The following RUNX1 variants were observed in gnomAD, a reference collection of about 807,000 sequenced individuals.
The protein encoded by RUNX1 is RUNX family transcription factor 1.
RUNX1 carries 19 observed loss-of-function variants against 42.8 expected under a neutral mutation model. The observed-to-expected ratio is 0.44, with a 90% CI of 0.31 to 0.65. The LOEUF (loss-of-function observed/expected upper bound fraction) is 0.65, where lower values mean the gene tolerates loss of function less well. Among genes scored for constraint, RUNX1 ranks in the 30% least tolerant of loss-of-function variants. RUNX1 has a pLI of 0.07. For missense variants in RUNX1, 528 were observed against 672.0 expected (o/e 0.79, Z 2.37); for synonymous variants, 271 against 289.4 (o/e 0.94, Z 0.64).
At chr21:34,958,691 C>T (rs1365765508) in intron 2 of RUNX1, among the ~76,000 whole-genome samples, 1 of 152,162 alleles carries the variant, frequency 6.6e-6, no homozygotes, top group African/African-American at 2.4e-5. Flanking sequence ...CCAGCCATCC[C>T]TTTACTGGGT....
chr21:35,033,960 C>T (rs1370807406), intron 2 of RUNX1, among the ~76,000 whole-genome samples: 1 of 152,128 alleles, frequency 6.6e-6, no homozygotes, highest in Admixed American at 6.5e-5. Flanking sequence ...AATCATTATC[C>T]TACTTCCTAT....
chr21:34,802,345 GGA>G (rs1214516309), intron 7 of RUNX1, among the ~76,000 whole-genome samples: 2 of 152,208 alleles, frequency 1.3e-5, no homozygotes, highest in Non-Finnish European at 2.9e-5. Flanking sequence ...TTACCTGGCA[GGA>G]GAGTGATGAA....
intron 2 of RUNX1, among the ~76,000 whole-genome samples, chr21:34,904,045 GGGTAATACATTGAAAT>G (rs2058198348): frequency 2.0e-5 from 3 of 152,012 alleles, no homozygotes; most frequent in Non-Finnish European, 4.4e-5. Context: ...ACCTTTTTAT[GGGTAATACATTGAAAT>G]GGAATAGTAA....
chr21:34,920,358 A>T (rs1487084599), intron 2 of RUNX1, among the ~76,000 whole-genome samples: 1 of 152,164 alleles, frequency 6.6e-6, no homozygotes, highest in African/African-American at 2.4e-5. Context: ...ATTTCTGCAC[A>T]ATGAGGTGAA....
At position 34,901,596 on chromosome 21, in the gene RUNX1, C is replaced by T. The variant is rs182662610; in HGVS notation, c.59-8633G>A. Among the ~76,000 whole-genome samples, 184 of 152,250 alleles carry T rather than the reference C, an allele frequency of 1.2e-3. No homozygotes were observed. The highest frequency in any genetic ancestry group is 7.7e-3 in the South Asian group (37 of 4,828). Reference sequence around the variant, plus strand: ...TTGAAGACAGAGGTTAAGGGGCCAACGTGTGGACCCTGGAAAGGGTGTGAG... The same window carrying T: ...TTGAAGACAGAGGTTAAGGGGCCAATGTGTGGACCCTGGAAAGGGTGTGAG... On this transcript the variant is annotated intron_variant, in intron 2 of 8. Transcript: ENST00000675419. The surrounding 1 kb of genome is among the most constrained non-coding windows in gnomAD (Gnocchi z 4.3).
Position 34,999,135 on chromosome 21 carries a change from T to A in RUNX1, c.58+49707A>T, listed in dbSNP as rs2059020980. On this transcript the variant is annotated intron_variant, in intron 2 of 8. Transcript: ENST00000675419. ...GGGCAGCACACACAACTGGGCAGAG[T>A]GGCCCTTTATCTCATGCCAGCTGGA... 2.6e-5 allele frequency among the ~76,000 whole-genome samples: 4 copies of A among 152,046 alleles called. 1 individual carries two copies. The South Asian group carries it at 8.3e-4, about 31-fold the overall frequency.
At chr21:35,016,792 C>T (rs962533752) in intron 2 of RUNX1, among the ~76,000 whole-genome samples, 4 of 152,044 alleles carry the variant, frequency 2.6e-5, no homozygotes, top group African/African-American at 9.7e-5. Context: ...GTTTCATGTC[C>T]TTCCCATCCA....
Position 34,792,564 on chromosome 21 carries a change from C to T in RUNX1, c.1014G>A (p.Ala338=), listed in dbSNP as rs2056460323. ...TAFSDPRQFP[A]LPSISDPRMH... is the part of the protein sequence containing the mutation. Reference sequence around the variant, plus strand: ...TGCGGGGGTCGGAGATGGAGGGCAGCGCGGGGAACTGGCGCGGGTCGCTGA... The same window carrying T: ...TGCGGGGGTCGGAGATGGAGGGCAGTGCGGGGAACTGGCGCGGGTCGCTGA... Residue 338 remains alanine, a synonymous_variant, in exon 9 of 9, where the codon GCG becomes GCA. Transcript: ENST00000675419. This position sits in a 1 kb window ranked among gnomAD's most constrained non-coding sequence, Gnocchi z 6.9. The T allele has an allele frequency of 5.0e-6, 8 of 1,606,108 alleles. No homozygotes were observed. Among genetic ancestry groups the T allele is most frequent in the African/African-American group, 1.3e-5 (1 of 74,758 alleles).
chr21:34,909,808 GT>G (rs1238642325), intron 2 of RUNX1, among the ~76,000 whole-genome samples: 1 of 152,016 alleles, frequency 6.6e-6, no homozygotes, highest in Non-Finnish European at 1.5e-5. Context: ...AGGGTTCTGG[GT>G]CCTTTCATCA....
intron 2 of RUNX1, among the ~76,000 whole-genome samples, chr21:34,964,092 G>A (rs967582082): frequency 2.0e-5 from 3 of 152,162 alleles, no homozygotes; most frequent in Non-Finnish European, 4.4e-5. Flanking sequence ...CCCAGTTGGG[G>A]GATACGTGCT....
intron 7 of RUNX1, among the ~76,000 whole-genome samples, chr21:34,803,080 A>G (rs1357684250): frequency 1.3e-5 from 2 of 152,116 alleles, no homozygotes; most frequent in African/African-American, 4.8e-5. Flanking sequence ...GGCTCAAGTA[A>G]TAGTGTTTTG....
At position 34,888,052 on chromosome 21, in the gene RUNX1, G is replaced by T. The variant is rs541575043; in HGVS notation, c.98-956C>A. On this transcript the variant is annotated intron_variant, in intron 3 of 8. Transcript: ENST00000675419. The stretch of plus-strand genomic sequence containing the variant: ...TGGTTAAGTTTGTGGCTGGTCCTCT[G>T]GTTTGTTGGGAGTTGAGCAGCCGCA... The T allele has an allele frequency of 1.2e-3, 1,285 of 1,066,320 alleles. 2 individuals carry two copies. The Middle Eastern group carries it at 0.015, about 12-fold the overall frequency. The allele number at this position is 1,066,320 out of a possible 1,614,324, so 66.1% of individuals were successfully genotyped here. A position where few individuals can be genotyped will look rare whatever the true frequency, so the allele number is the denominator to read the frequency against.
At chr21:34,982,397 G>GGTGTGTGTGTGTGTGTGTGTGTGT (rs56091299) in intron 2 of RUNX1, among the ~76,000 whole-genome samples, 1 of 148,218 alleles carries the variant, frequency 6.7e-6, no homozygotes, top group African/African-American at 2.5e-5. Flanking sequence ...AGTCAAAAGG[G>GGTGTGTGTGTGTGTGTGTGTGTGT]GTGTGTGTGT....
intron 2 of RUNX1, among the ~76,000 whole-genome samples, chr21:34,946,009 T>C (rs575649389): frequency 6.6e-6 from 1 of 152,340 alleles, no homozygotes; most frequent in East Asian, 1.9e-4. Flanking sequence ...TGCGTTCTCC[T>C]GTTCTCCTAG....
chr21:34,867,286 ATAAAT>A (rs1255837473), intron 5 of RUNX1, among the ~76,000 whole-genome samples: 3 of 152,002 alleles, frequency 2.0e-5, no homozygotes, highest in Non-Finnish European at 4.4e-5. Context: ...ATAAAATAAA[ATAAAT>A]TAGCTGGGCA....
At chr21:34,886,566 C>A (rs2057990798) in intron 4 of RUNX1, among the ~76,000 whole-genome samples, 1 of 152,232 alleles carries the variant, frequency 6.6e-6, no homozygotes, top group African/African-American at 2.4e-5. Context: ...AGGCCCCTGC[C>A]AGGGAGGTCC....
intron 2 of RUNX1, among the ~76,000 whole-genome samples, chr21:34,903,372 A>G (rs2058192723): frequency 6.6e-6 from 1 of 152,166 alleles, no homozygotes; most frequent in Admixed American, 6.5e-5. Context: ...AAGCTTCATT[A>G]TTATTATTAC....
chr21:34,840,520 T>TA (rs765673604), intron 6 of RUNX1, among the ~76,000 whole-genome samples: 1 of 152,222 alleles, frequency 6.6e-6, no homozygotes, highest in Non-Finnish European at 1.5e-5. Flanking sequence ...TCTGCTGCCA[T>TA]TATCTACTCA....
chr21:34,848,520 T>C (rs1183306362), intron 6 of RUNX1, among the ~76,000 whole-genome samples: 1 of 152,196 alleles, frequency 6.6e-6, no homozygotes, highest in East Asian at 1.9e-4. Flanking sequence ...CAGCAACCTC[T>C]GCCTCTCGAG....
Sources: gnomAD v4.1 joint callset for allele counts (sites outside exome capture counted in the v4.1 genomes callset) on GRCh38, gnomAD v4.1.1 for gene constraint, Gnocchi (gnomAD v3.1) non-coding constraint, MANE v1.5 for transcripts, NCBI Gene and HGNC (gene_info 2026-07-23, HGNC 2026-07-21) for gene names.